The following SCAMP1 variants were observed in gnomAD, a reference collection of about 807,000 sequenced individuals.
SCAMP1 encodes the protein secretory carrier-associated membrane protein 1.
Under a neutral mutation model 41.8 loss-of-function variants are expected in SCAMP1, and 15 were observed. The observed-to-expected ratio is 0.36, with a 90% CI of 0.24 to 0.55. SCAMP1 has a LOEUF of 0.55. Ranked by LOEUF, SCAMP1 falls within the 20% of genes least tolerant of loss-of-function variation. The pLI, the probability that SCAMP1 is intolerant of heterozygous loss-of-function variation, is 0.86. For synonymous variants in SCAMP1, 135 were observed against 136.8 expected (o/e 0.99, Z 0.09); for missense variants, 341 against 412.6 (o/e 0.83, Z 1.50).
At chr5:78,438,225 C>T (rs1752815500) in intron 6 of SCAMP1, among the ~76,000 whole-genome samples, 1 of 152,126 alleles carries the variant, frequency 6.6e-6, no homozygotes, top group Admixed American at 6.6e-5. Context: ...CAGTTCTGCT[C>T]TGATCTTAGT....
intron 2 of SCAMP1, among the ~76,000 whole-genome samples, chr5:78,390,661 T>C (rs954094741): frequency 6.6e-6 from 1 of 151,516 alleles, no homozygotes; most frequent in Non-Finnish European, 1.5e-5. Context: ...TTTTTTCTTT[T>C]TTTTTTTTTT....
intron 1 of SCAMP1, among the ~76,000 whole-genome samples, chr5:78,369,416 A>T (rs1750886518): frequency 6.6e-6 from 1 of 152,150 alleles, no homozygotes; most frequent in African/African-American, 2.4e-5. Context: ...CAGGACACAT[A>T]ACATTTATCA....
Position 78,449,954 on chromosome 5 carries a change from C to A in SCAMP1, c.654C>A (p.Phe218Leu). The A allele has an allele frequency of 6.7e-7, 1 of 1,481,570 alleles. No individual in the cohort carries two copies. Among genetic ancestry groups the A allele is most frequent in the South Asian group, 1.5e-5 (1 of 68,910 alleles). 91.8% of individuals were successfully genotyped at this position (1,481,570 alleles called of 1,614,324 possible). ...AAAGGAGTGACAGTTCATTTAGATT[C>A]TTTGTATTCTTCTTCGTCTATATTT... ...GAFRSDSSFR[F>L]FVFFFVYICQ... Residue 218 changes from phenylalanine to leucine, a missense_variant, in exon 7 of 9, where the codon TTC becomes TTA. Transcript: ENST00000621999.
At chr5:78,456,679 T>A (rs10061850) in intron 7 of SCAMP1, among the ~76,000 whole-genome samples, 19,661 of 150,454 alleles carry the variant, frequency 0.13, 1,663 homozygotes, top group Non-Finnish European at 0.19. Flanking sequence ...TTGCTCTTCT[T>A]GAGGAGTATC....
intron 2 of SCAMP1, among the ~76,000 whole-genome samples, chr5:78,395,170 T>G (rs1751620223): frequency 6.6e-6 from 1 of 152,244 alleles, no homozygotes; most frequent in Non-Finnish European, 1.5e-5. Flanking sequence ...TTATTTTAAT[T>G]TTTTTCGTAG....
intron 2 of SCAMP1, among the ~76,000 whole-genome samples, chr5:78,394,340 A>T (rs12697883): frequency 0.66 from 100,648 of 151,448 alleles, 34,368 homozygotes; most frequent in Admixed American, 0.73. Flanking sequence ...TCTTTTTTTT[A>T]TATATATATA....
intron 6 of SCAMP1, among the ~76,000 whole-genome samples, chr5:78,443,541 G>C (rs981127983): frequency 6.6e-6 from 1 of 151,674 alleles, no homozygotes; most frequent in Non-Finnish European, 1.5e-5. Context: ...TGTAATGTGA[G>C]CTTTTTCATT....
intron 8 of SCAMP1, among the ~76,000 whole-genome samples, chr5:78,468,460 A>G (rs1203528242): frequency 6.6e-6 from 1 of 152,174 alleles, no homozygotes; most frequent in Non-Finnish European, 1.5e-5. Context: ...ACTATGGATC[A>G]GGGAATCCAA....
intron 6 of SCAMP1, among the ~76,000 whole-genome samples, chr5:78,446,372 T>C (rs1332006433): frequency 6.6e-6 from 1 of 152,196 alleles, no homozygotes; most frequent in Admixed American, 6.5e-5. Context: ...AACAAGGTAA[T>C]GGACATAGCT....
At chr5:78,369,534 GA>G (rs1263330740) in intron 1 of SCAMP1, among the ~76,000 whole-genome samples, 1 of 152,190 alleles carries the variant, frequency 6.6e-6, no homozygotes, top group East Asian at 1.9e-4. Flanking sequence ...TAATGATAAT[GA>G]AAAAGTTTGC....
chr5:78,384,292 C>T (rs1289199878), intron 1 of SCAMP1, among the ~76,000 whole-genome samples: 1 of 147,368 alleles, frequency 6.8e-6, no homozygotes, highest in Admixed American at 6.9e-5. Flanking sequence ...TAATGTTGTA[C>T]ACAAATGTTT....
chr5:78,466,193 A>T (rs1156313743), intron 8 of SCAMP1, among the ~76,000 whole-genome samples: 1 of 152,236 alleles, frequency 6.6e-6, no homozygotes, highest in Non-Finnish European at 1.5e-5. Context: ...CTCATTTGTT[A>T]AACAGCTGTT....
intron 1 of SCAMP1, among the ~76,000 whole-genome samples, chr5:78,386,544 G>A (rs1266084741): frequency 1.3e-5 from 2 of 149,590 alleles, no homozygotes; most frequent in African/African-American, 2.5e-5. Flanking sequence ...TCATTGTATT[G>A]TTTTATAGGG....
At chr5:78,445,300 G>A (rs569084060) in intron 6 of SCAMP1, among the ~76,000 whole-genome samples, 1 of 152,310 alleles carries the variant, frequency 6.6e-6, no homozygotes, top group South Asian at 2.1e-4. Flanking sequence ...TTGAAATTCA[G>A]TTTTCCAGTA....
At chr5:78,456,977 G>C (rs4021942) in intron 7 of SCAMP1, among the ~76,000 whole-genome samples, 29,148 of 122,288 alleles carry the variant, frequency 0.24, 3,771 homozygotes, top group East Asian at 0.46. Context: ...TTGATCGCAT[G>C]GGCTCCTGAG....
At chr5:78,452,815 G>T (rs1297480646) in intron 7 of SCAMP1, among the ~76,000 whole-genome samples, 1 of 145,810 alleles carries the variant, frequency 6.9e-6, no homozygotes, top group Non-Finnish European at 1.5e-5. Context: ...CAGTGTAAAA[G>T]TGTTCCTATT....
intron 6 of SCAMP1, among the ~76,000 whole-genome samples, chr5:78,447,757 C>T (rs763512580): frequency 2.0e-5 from 3 of 151,856 alleles, no homozygotes; most frequent in Admixed American, 6.6e-5. Context: ...CACTGGAGTT[C>T]GTAAAAAGGC....
intron 2 of SCAMP1, among the ~76,000 whole-genome samples, chr5:78,414,372 T>C (rs575936393): frequency 6.6e-6 from 1 of 152,226 alleles, no homozygotes; most frequent in South Asian, 2.1e-4. Flanking sequence ...AACCTCCGCC[T>C]CCCGGGTTCA....
At chr5:78,380,985 G>C (rs947207459) in intron 1 of SCAMP1, among the ~76,000 whole-genome samples, 12 of 152,144 alleles carry the variant, frequency 7.9e-5, no homozygotes, top group Admixed American at 6.5e-4. Context: ...AGAATCACTT[G>C]AATGGGGGAG....
Sources: allele counts gnomAD v4.1 joint callset (sites outside exome capture counted in the v4.1 genomes callset), GRCh38; gene constraint gnomAD v4.1.1; transcripts MANE v1.5; gene names NCBI Gene and HGNC (gene_info 2026-07-23, HGNC 2026-07-21).